The following VPS26C variants were observed in gnomAD, a reference collection of about 807,000 sequenced individuals.
The protein encoded by VPS26C is vacuolar protein sorting-associated protein 26C.
Under a neutral mutation model 30.6 loss-of-function variants are expected in VPS26C, and 19 were observed. That is an observed-to-expected ratio of 0.62 (90% CI 0.43 to 0.91). VPS26C has a LOEUF of 0.91. VPS26C is among the 40% of genes least tolerant of loss of function. The pLI, the probability that VPS26C is intolerant of heterozygous loss-of-function variation, is 0.00. For synonymous variants in VPS26C, 132 were observed against 151.5 expected (o/e 0.87, Z 0.95); for missense variants, 318 against 385.1 (o/e 0.83, Z 1.46).
At chr21:37,255,365 C>G (rs1419498495) in intron 1 of VPS26C, among the ~76,000 whole-genome samples, 1 of 152,108 alleles carries the variant, frequency 6.6e-6, no homozygotes, top group Non-Finnish European at 1.5e-5. Flanking sequence ...TGGCATGTGA[C>G]AGTAAAACCA....
chr21:37,261,960 T>G (rs2086308684), intron 1 of VPS26C: 1 of 151,806 alleles, frequency 6.6e-6, no homozygotes, highest in Admixed American at 6.6e-5. Flanking sequence ...AAAATAAAAC[T>G]TAAGGTACGA....
intron 1 of VPS26C, among the ~76,000 whole-genome samples, chr21:37,243,809 T>C (rs1273152991): frequency 1.3e-5 from 2 of 152,216 alleles, no homozygotes; most frequent in Non-Finnish European, 2.9e-5. Flanking sequence ...TGAGAATTCC[T>C]GGCAAACAAC....
chr21:37,240,571 G>A lies in VPS26C; in HGVS notation c.126C>T (p.Thr42=), dbSNP rs749848695. 1.2e-6 allele frequency: 2 copies of A among 1,614,142 alleles called. No individual in the cohort carries two copies. Among genetic ancestry groups the A allele is most frequent in the African/African-American group, 1.3e-5 (1 of 75,026 alleles). The change falls in exon 2 of 8, where the codon ACC becomes ACT. Residue 42 remains threonine (T), a synonymous_variant. Coordinates refer to ENST00000309117, the MANE Select transcript of VPS26C (RefSeq NM_006052.2). ...DSVQHQGVSL[T]MEGTVNLQLS... ...GCTGGAGGTTTACAGTTCCTTCCAT[G>A]GTCAAAGACACTCCCTGGTGTTGGA...
intron 7 of VPS26C, 87 bp from the exon 8 acceptor site, chr21:37,225,713 C>G (rs1318736703): frequency 2.0e-5 from 24 of 1,189,802 alleles, no homozygotes; most frequent in African/African-American, 6.0e-5. Flanking sequence ...GCAGGAAGCT[C>G]TAACGGCGAA....
chr21:37,245,211 G>A (rs1438051572), intron 1 of VPS26C, among the ~76,000 whole-genome samples: 2 of 152,208 alleles, frequency 1.3e-5, no homozygotes, highest in African/African-American at 4.8e-5. Context: ...AGAAATACGA[G>A]TGGCAGATGA....
At chr21:37,267,214 T>TACCC in intron 1 of VPS26C, 24 bp downstream of exon 1, 3 of 457,100 alleles carry the variant, frequency 6.6e-6, no homozygotes, top group African/African-American at 2.6e-5. Context: ...CCCACCTCCA[T>TACCC]CCCCACCCCC....
chr21:37,244,870 GGGAACAGC>G (rs2086121617), intron 1 of VPS26C, among the ~76,000 whole-genome samples: 2 of 152,192 alleles, frequency 1.3e-5, no homozygotes, highest in Non-Finnish European at 2.9e-5. Flanking sequence ...GGGTACACCT[GGGAACAGC>G]TGAGGCCACA....
upstream of VPS26C, chr21:37,267,625 T>C: frequency 2.9e-6 from 1 of 341,520 alleles, no homozygotes; most frequent in East Asian, 6.3e-5. Context: ...CTGTCCGGGT[T>C]AGCGGAGGGA....
intron 3 of VPS26C, among the ~76,000 whole-genome samples, chr21:37,234,434 C>T (rs144587619): frequency 8.5e-5 from 13 of 152,296 alleles, no homozygotes; most frequent in African/African-American, 2.9e-4. Context: ...CCAAGGGGAG[C>T]CCCACTGCAG....
intron 1 of VPS26C, among the ~76,000 whole-genome samples, chr21:37,244,616 A>G (rs990853873): frequency 1.3e-5 from 2 of 152,226 alleles, no homozygotes; most frequent in Non-Finnish European, 2.9e-5. Context: ...TGCCAAAACC[A>G]TAATTGGAAC....
chr21:37,238,029 T>C (rs561360678), intron 3 of VPS26C, among the ~76,000 whole-genome samples: 1 of 152,220 alleles, frequency 6.6e-6, no homozygotes, highest in Non-Finnish European at 1.5e-5. Context: ...CTTCCCCTCA[T>C]TGACAAGGTT....
chr21:37,232,323 G>C, intron 5 of VPS26C, 54 bp downstream of exon 5: 2 of 1,487,474 alleles, frequency 1.3e-6, no homozygotes, highest in Non-Finnish European at 1.9e-6. Context: ...CTAGTCCGTG[G>C]GGTCTGGCTG....
At chr21:37,255,875 A>ATTTTTTTTTTTTTT (rs1403621161) in intron 1 of VPS26C, among the ~76,000 whole-genome samples, 2 of 46,404 alleles carry the variant, frequency 4.3e-5, no homozygotes, top group African/African-American at 3.8e-4. Flanking sequence ...TTTTTTTTAG[A>ATTTTTTTTTTTTTT]TAGAGGCTGG....
intron 2 of VPS26C, 114 bp downstream of exon 2, chr21:37,240,381 TC>T: frequency 8.1e-7 from 1 of 1,229,462 alleles, no homozygotes; most frequent in Non-Finnish European, 1.1e-6. Flanking sequence ...CGCCTTGGCC[TC>T]CCAAATTACT....
chr21:37,251,560 C>T (rs1430918874), intron 1 of VPS26C, among the ~76,000 whole-genome samples: 1 of 152,142 alleles, frequency 6.6e-6, no homozygotes, highest in Non-Finnish European at 1.5e-5. Context: ...CTTGTAGATG[C>T]ATACAGTATC....
chr21:37,251,742 G>A (rs2086195782), intron 1 of VPS26C, among the ~76,000 whole-genome samples: 1 of 152,160 alleles, frequency 6.6e-6, no homozygotes, highest in Non-Finnish European at 1.5e-5. Context: ...AAATCCCAGA[G>A]TGGGTAGCCT....
intron 5 of VPS26C, chr21:37,230,887 C>T (rs906074008): frequency 8.5e-5 from 13 of 152,408 alleles, no homozygotes; most frequent in African/African-American, 2.4e-4. Flanking sequence ...CAGACTGGCA[C>T]CACAGCTTCC....
intron 1 of VPS26C, among the ~76,000 whole-genome samples, chr21:37,249,818 G>A (rs1419350693): frequency 2.6e-5 from 4 of 152,140 alleles, no homozygotes; most frequent in Non-Finnish European, 5.9e-5. Context: ...ATATTACAAC[G>A]CTGCTATAAT....
At chr21:37,265,832 G>T (rs946656974) in intron 1 of VPS26C, among the ~76,000 whole-genome samples, 1 of 151,830 alleles carries the variant, frequency 6.6e-6, no homozygotes, top group Admixed American at 6.6e-5. Flanking sequence ...AGTTGTGATG[G>T]TGAAGTGGTG....
Sources: allele counts gnomAD v4.1 joint callset (sites outside exome capture counted in the v4.1 genomes callset), GRCh38; gene constraint gnomAD v4.1.1; transcripts MANE v1.5; gene names NCBI Gene and HGNC (gene_info 2026-07-23, HGNC 2026-07-21).